Variants in DPP4 observed in about 807,000 individuals in gnomAD.
DPP4 encodes dipeptidyl peptidase 4, also known as ADCP-2.
A neutral mutation model predicts 122.4 loss-of-function variants in DPP4; 93 were observed. That is an observed-to-expected ratio of 0.76 (90% CI 0.64 to 0.90). The LOEUF (loss-of-function observed/expected upper bound fraction) is 0.90. Ranked by LOEUF, DPP4 falls within the 40% of genes least tolerant of loss-of-function variation. The pLI is 0.00. For synonymous variants in DPP4, 321 were observed against 302.9 expected, an observed-to-expected ratio of 1.06 and a Z score of -0.62; for missense variants, 914 against 907.3, an observed-to-expected ratio of 1.01 and a Z score of -0.09.
intron 12 of DPP4, chr2:162,021,633 T>C (rs1464695216): frequency 6.6e-6 from 1 of 152,206 alleles, no homozygotes; most frequent in Non-Finnish European, 1.5e-5. Context: ...ACACTTGGTG[T>C]TCTCATTACA....
chr2:162,011,218 A>C (rs1259355024), intron 20 of DPP4, among the ~76,000 whole-genome samples: 5 of 152,150 alleles, frequency 3.3e-5, no homozygotes. Context: ...TTATAGTCCC[A>C]TAAGTGAAGA....
rs779450801 is a variant in DPP4 at position 162,038,401 on chromosome 2, T to C, written c.514A>G (p.Ile172Val). The change falls in exon 8 of 26, where the codon ATT becomes GTT. Residue 172 changes from isoleucine (I) to valine (V), a missense_variant. By Grantham distance (29) the Ile-to-Val change is conservative. Transcript: ENST00000360534. Reference protein sequence around the residue: ...HKLAYVWNNDIYVKIEPNLPS... With the variant: ...HKLAYVWNNDVYVKIEPNLPS... ...AAATTTGGTTCAATTTTAACATAAA[T>C]GTCATTGTTCCAAACATATGCCTAG... 2 of 1,607,236 alleles carry C rather than the reference T, an allele frequency of 1.2e-6. No individual in the cohort carries two copies. Among genetic ancestry groups the C allele is most frequent in the African/African-American group, 1.3e-5 (1 of 74,676 alleles).
intron 2 of DPP4, among the ~76,000 whole-genome samples, chr2:162,066,126 G>A (rs1438258373): frequency 6.6e-6 from 1 of 152,132 alleles, no homozygotes; most frequent in African/African-American, 2.4e-5. Context: ...CAGCCAGGAG[G>A]CAAGAGAAAT....
chr2:162,009,547 G>C (rs1045031371), intron 20 of DPP4, among the ~76,000 whole-genome samples: 2 of 150,442 alleles, frequency 1.3e-5, no homozygotes, highest in Non-Finnish European at 3.0e-5. Context: ...GTGTGTGTGT[G>C]TGTGTATGAT....
chr2:162,059,830 G>A (rs1470115103), intron 2 of DPP4, among the ~76,000 whole-genome samples: 4 of 152,168 alleles, frequency 2.6e-5, no homozygotes, highest in Non-Finnish European at 4.4e-5. Flanking sequence ...TACTACCTGC[G>A]TCTGGAGCTG....
At chr2:162,053,092 G>C (rs61022164) in intron 2 of DPP4, among the ~76,000 whole-genome samples, 5,932 of 152,308 alleles carry the variant, frequency 0.039, 267 homozygotes, top group African/African-American at 0.1. Context: ...ATAATCATAA[G>C]GGAAGATTTG....
At chr2:162,029,325 G>C (rs149487274) in intron 10 of DPP4, among the ~76,000 whole-genome samples, 1 of 152,176 alleles carries the variant, frequency 6.6e-6, no homozygotes, top group Non-Finnish European at 1.5e-5. Flanking sequence ...ATGCTACAAA[G>C]AGCAACTGCA....
At chr2:162,039,062 C>T (rs1683894323) in intron 6 of DPP4, 41 bp from the exon 7 acceptor site, 1 of 1,612,232 alleles carries the variant, frequency 6.2e-7, no homozygotes, top group Non-Finnish European at 8.5e-7. Context: ...AAAAGAATAA[C>T]TCACATTGGG....
Position 162,045,532 on chromosome 2 carries a change from C to T in DPP4, c.366G>A (p.Lys122=). 2 of 1,601,056 alleles carry T rather than the reference C, an allele frequency of 1.2e-6. No individual in the cohort carries two copies. The highest frequency in any genetic ancestry group is 1.7e-6 in the Non-Finnish European group (2 of 1,168,878). Residue 122 remains lysine, a splice_region_variant and synonymous_variant, in exon 5 of 26, where the codon AAG becomes AAA. Coordinates refer to ENST00000360534, the MANE Select transcript of DPP4 (RefSeq NM_001935.4). ...TACAGTAAGAAAGCATTTATTTTAC[C>T]TTCACGTAGTTGTATTCTAAGAGAA... ...QFILLEYNYV[K]QWRHSYTASY...
At chr2:162,046,816 A>G in intron 4 of DPP4, 99 bp downstream of exon 4, 1 of 803,838 alleles carries the variant, frequency 1.2e-6, no homozygotes, top group Non-Finnish European at 2.2e-6. Flanking sequence ...CTGCAGAAAG[A>G]GTCCAACAGG....
intron 2 of DPP4, among the ~76,000 whole-genome samples, chr2:162,054,031 G>C (rs1442383386): frequency 6.6e-6 from 1 of 152,216 alleles, no homozygotes; most frequent in Non-Finnish European, 1.5e-5. Flanking sequence ...CCTTACTGGG[G>C]GGGTGGGGGT....
intron 2 of DPP4, among the ~76,000 whole-genome samples, chr2:162,064,011 G>C (rs1559727156): frequency 6.6e-6 from 1 of 152,132 alleles, no homozygotes; most frequent in Non-Finnish European, 1.5e-5. Context: ...GTAGGAGCCT[G>C]AGCATTCATT....
rs971661319 is a variant in DPP4, at chr2:162,020,150, AT to A, written c.1244+78del. On this transcript the variant is annotated intron_variant, in intron 14 of 25. Transcript: ENST00000360534. The stretch of plus-strand genomic sequence containing the variant: ...AAAGACTACTCTTTATTTGTAGGAG[AT>A]TTTTTCCCTACTTCTGGGCAAAGAG... The A allele has an allele frequency of 6.5e-6, 8 of 1,234,276 alleles. No homozygotes were observed. In the African/African-American group the frequency reaches 1.1e-4, roughly 16 times the overall value. The allele number at this position is 1,234,276 out of a possible 1,614,324, so 76.5% of individuals were successfully genotyped here. A position where few individuals can be genotyped will look rare whatever the true frequency, so the allele number is the denominator to read the frequency against.
At position 162,011,905 on chromosome 2, in the gene DPP4, T is replaced by C; in HGVS notation, c.1720A>G (p.Ile574Val). 2.5e-6 allele frequency: 4 copies of C among 1,613,818 alleles called. No homozygotes were observed. The highest frequency in any genetic ancestry group is 3.4e-6 in the Non-Finnish European group (4 of 1,179,756). The change falls in exon 20 of 26, where the codon ATA (isoleucine) becomes GTA (valine). Residue 574 changes from isoleucine to valine, a missense_variant. By Grantham distance (29) the Ile-to-Val change is conservative (BLOSUM62 3). Transcript: ENST00000360534. Reference protein sequence around the residue: ...ATYLASTENIIVASFDGRGSG... With the variant: ...ATYLASTENIVVASFDGRGSG... ...CCTCTGCCATCAAAGCTAGCTACTA[T>C]AATGTTTTCTGTGCTTGCAAGGTAA...
chr2:161,995,439 G>C, intron 23 of DPP4, 67 bp from the exon 24 acceptor site: 2 of 1,448,328 alleles, frequency 1.4e-6, no homozygotes, highest in South Asian at 2.3e-5. Flanking sequence ...TTTCACTTCA[G>C]TTTACAAAAT....
At chr2:162,013,526 CT>C (rs1440430838) in intron 19 of DPP4, among the ~76,000 whole-genome samples, 1 of 151,562 alleles carries the variant, frequency 6.6e-6, no homozygotes, top group South Asian at 2.1e-4. Context: ...CCTCTCCCCA[CT>C]TTTTTTTTCT....
At chr2:162,011,596 T>C (rs1282253280) in intron 20 of DPP4, among the ~76,000 whole-genome samples, 197 bp downstream of exon 20, 1 of 152,124 alleles carries the variant, frequency 6.6e-6, no homozygotes, top group Non-Finnish European at 1.5e-5. Flanking sequence ...TGCTTTTTTT[T>C]TGAACTTCAT....
intron 10 of DPP4, among the ~76,000 whole-genome samples, chr2:162,025,325 C>T (rs1192701251): frequency 1.3e-5 from 2 of 152,076 alleles, no homozygotes; most frequent in Non-Finnish European, 2.9e-5. Context: ...CAGACACTGG[C>T]TAAGATTTGA....
At position 162,017,108 on chromosome 2, in the gene DPP4, C is replaced by T. The variant is rs772501868; in HGVS notation, c.1468G>A (p.Gly490Arg). The change falls in exon 17 of 26, where the codon GGG (glycine) becomes AGG (arginine). Residue 490 changes from glycine (G) to arginine (R), a missense_variant and splice_region_variant. Transcript: ENST00000360534. ...TGAAGAGTAAAATATGAGAAAATACCTTTATCATTCACGCTGCTGTGTAGA... is the reference window on the plus strand; with the variant it reads ...TGAAGAGTAAAATATGAGAAAATACTTTTATCATTCACGCTGCTGTGTAGA... ...YTLHSSVNDK[G>R]LRVLEDNSAL... 1.9e-5 allele frequency: 31 copies of T among 1,611,346 alleles called. No homozygotes were observed. The highest frequency in any genetic ancestry group is 2.5e-5 in the Non-Finnish European group (30 of 1,179,150).
Sources: gnomAD v4.1 joint callset for allele counts (sites outside exome capture counted in the v4.1 genomes callset) on GRCh38, gnomAD v4.1.1 for gene constraint, MANE v1.5 for transcripts, NCBI Gene and HGNC (gene_info 2026-07-23, HGNC 2026-07-21) for gene names.